TBC1D32: variants seen among roughly 807,000 people sequenced by gnomAD.
TBC1D32 encodes TBC1 domain family member 32.
Under a neutral mutation model 170.3 loss-of-function variants are expected in TBC1D32, and 151 were observed. The ratio of observed to expected loss-of-function variants is 0.89; its 90% CI spans 0.78 to 1.01. The LOEUF is 1.01. Among genes scored for constraint, TBC1D32 ranks in the 50% least tolerant of loss-of-function variants. The pLI is 0.00. For missense variants in TBC1D32, 1,464 were observed against 1,457.1 expected, an observed-to-expected ratio of 1.00 and a Z score of -0.08; for synonymous variants, 498 against 488.0, an observed-to-expected ratio of 1.02 and a Z score of -0.27.
chr6:121,288,978 A>T (rs572234139), intron 12 of TBC1D32, among the ~76,000 whole-genome samples: 1 of 152,334 alleles, frequency 6.6e-6, no homozygotes, highest in South Asian at 2.1e-4. Flanking sequence ...AACTCTCAAT[A>T]AATTAGGTAT....
chr6:121,115,137 G>A, intron 27 of TBC1D32, 35 bp downstream of exon 27: 1 of 1,531,952 alleles, frequency 6.5e-7, no homozygotes, highest in Non-Finnish European at 8.8e-7. Flanking sequence ...ACAAATTCTA[G>A]AAATGCACAA....
intron 5 of TBC1D32, among the ~76,000 whole-genome samples, chr6:121,307,349 C>A (rs1807485054): frequency 6.6e-6 from 1 of 152,052 alleles, no homozygotes; most frequent in African/African-American, 2.4e-5. Flanking sequence ...ACACTCTAGC[C>A]TGAGTGACAG....
At chr6:121,220,957 A>C (rs1437209581) in intron 21 of TBC1D32, among the ~76,000 whole-genome samples, 1 of 151,962 alleles carries the variant, frequency 6.6e-6, no homozygotes, top group Admixed American at 6.6e-5. Flanking sequence ...TTTTCAATGC[A>C]AACAAAACAG....
At chr6:121,180,051 T>C (rs1788307324) in intron 22 of TBC1D32, among the ~76,000 whole-genome samples, 1 of 152,166 alleles carries the variant, frequency 6.6e-6, no homozygotes. Flanking sequence ...ATGAGACTTC[T>C]ACATAGAAAA....
At chr6:121,094,502 G>C (rs181615111) in intron 30 of TBC1D32, among the ~76,000 whole-genome samples, 1 of 152,050 alleles carries the variant, frequency 6.6e-6, no homozygotes, top group African/African-American at 2.4e-5. Flanking sequence ...CAAATCAACT[G>C]ACAACCTAGA....
At chr6:121,162,079 A>G (rs1785759793) in intron 22 of TBC1D32, among the ~76,000 whole-genome samples, 1 of 152,060 alleles carries the variant, frequency 6.6e-6, no homozygotes, top group African/African-American at 2.4e-5. Flanking sequence ...CATGCTGGAT[A>G]TTAGGTGTTG....
intron 20 of TBC1D32, among the ~76,000 whole-genome samples, chr6:121,237,498 T>A (rs1796467451): frequency 6.6e-6 from 1 of 151,968 alleles, no homozygotes. Flanking sequence ...GATATTCCAA[T>A]TACATACATG....
At chr6:121,093,401 T>C (rs539547118) in intron 30 of TBC1D32, among the ~76,000 whole-genome samples, 1 of 152,308 alleles carries the variant, frequency 6.6e-6, no homozygotes, top group South Asian at 2.1e-4. Context: ...AGATTCTCTC[T>C]CTGTTCTTTG....
chr6:121,229,783 C>T (rs2128338915), intron 20 of TBC1D32, among the ~76,000 whole-genome samples: 1 of 152,222 alleles, frequency 6.6e-6, no homozygotes, highest in African/African-American at 2.4e-5. Context: ...TGGTTTAGCT[C>T]TTTGTCCCTA....
chr6:121,162,237 C>G (rs930947751), intron 22 of TBC1D32, among the ~76,000 whole-genome samples: 1 of 152,148 alleles, frequency 6.6e-6, no homozygotes, highest in Non-Finnish European at 1.5e-5. Flanking sequence ...GTTGCCATTG[C>G]TTTTGGCATC....
intron 12 of TBC1D32, among the ~76,000 whole-genome samples, chr6:121,291,139 T>TA (rs1352430064): frequency 3.3e-5 from 5 of 151,020 alleles, no homozygotes; most frequent in African/African-American, 1.2e-4. Context: ...CCCTAAAACT[T>TA]AAAGTATAAT....
intron 1 of TBC1D32, among the ~76,000 whole-genome samples, chr6:121,329,398 CA>C (rs1810906725): frequency 6.6e-6 from 1 of 152,180 alleles, no homozygotes; most frequent in Middle Eastern, 3.2e-3. Flanking sequence ...CCTGTAATCC[CA>C]GCACTTTGGA....
At chr6:121,255,982 T>A in intron 16 of TBC1D32, 102 bp downstream of exon 16, 1 of 1,004,440 alleles carries the variant, frequency 1.0e-6, no homozygotes, top group Non-Finnish European at 1.5e-6. Flanking sequence ...GAAGTCATAT[T>A]TGCCCCAGTT....
chr6:121,212,211 C>T (rs989585554), intron 21 of TBC1D32, among the ~76,000 whole-genome samples: 5 of 151,910 alleles, frequency 3.3e-5, no homozygotes, highest in Admixed American at 2.0e-4. Context: ...TAACAAGCTC[C>T]GAAATTGAAT....
At chr6:121,105,892 A>T (rs1454127045) in intron 30 of TBC1D32, 131 bp downstream of exon 30, 2 of 1,068,296 alleles carry the variant, frequency 1.9e-6, no homozygotes, top group Admixed American at 2.5e-5. Flanking sequence ...GCCTGGGGAG[A>T]AAAGCTAGCT....
intron 22 of TBC1D32, among the ~76,000 whole-genome samples, chr6:121,195,733 AG>A (rs1177226716): frequency 6.6e-6 from 1 of 152,176 alleles, no homozygotes; most frequent in African/African-American, 2.4e-5. Context: ...AGGGAAGACT[AG>A]GGCCTGGTTC....
intron 24 of TBC1D32, among the ~76,000 whole-genome samples, chr6:121,142,587 A>T (rs1782928899): frequency 6.6e-6 from 1 of 152,222 alleles, no homozygotes; most frequent in South Asian, 2.1e-4. Context: ...AGGAAGCTAG[A>T]TGGGGAAATA....
chr6:121,203,213 T>C (rs1791822746), intron 22 of TBC1D32, among the ~76,000 whole-genome samples: 1 of 151,160 alleles, frequency 6.6e-6, no homozygotes, highest in South Asian at 2.1e-4. Context: ...ATAATAGAAA[T>C]TAGTAGAAAA....
chr6:121,261,977 T>C (rs184517402), intron 15 of TBC1D32, among the ~76,000 whole-genome samples: 1 of 152,046 alleles, frequency 6.6e-6, no homozygotes, highest in Non-Finnish European at 1.5e-5. Context: ...ACACGAAAAC[T>C]CTGTGAATCA....
Sources: allele counts gnomAD v4.1 joint callset (sites outside exome capture counted in the v4.1 genomes callset), GRCh38; gene constraint gnomAD v4.1.1; transcripts MANE v1.5; gene names NCBI Gene and HGNC (gene_info 2026-07-23, HGNC 2026-07-21).